TMEM63A: variants seen among roughly 807,000 people sequenced by gnomAD.
TMEM63A encodes mechanosensitive cation channel TMEM63A.
TMEM63A carries 76 observed loss-of-function variants against 100.6 expected under a neutral mutation model. That is an observed-to-expected ratio of 0.76 (90% CI 0.63 to 0.91). TMEM63A has a LOEUF of 0.91. TMEM63A is among the 40% of genes least tolerant of loss of function. TMEM63A has a pLI of 0.00. For synonymous variants in TMEM63A, 401 were observed against 401.1 expected (o/e 1.00, Z 0.00); for missense variants, 876 against 1,008.8 (o/e 0.87, Z 1.78).
chr1:225,866,580 C>T lies in TMEM63A; in HGVS notation c.669G>A (p.Glu223=). The T allele has an allele frequency of 6.2e-7, 1 of 1,613,894 alleles. No individual in the cohort carries two copies. The highest frequency in any genetic ancestry group is 8.5e-7 in the Non-Finnish European group (1 of 1,179,866). ...HHTQSIKYKE[E]NLVRRTLFIT... Reference sequence around the variant, plus strand: ...TAAGTCCCGCCTCACTCACCAGGTTCTCCTCTTTGTACTTAATGGACTGAG... The same window carrying T: ...TAAGTCCCGCCTCACTCACCAGGTTTTCCTCTTTGTACTTAATGGACTGAG... Residue 223 remains glutamate (E), a synonymous_variant, in exon 9 of 25, where the codon GAG becomes GAA. Transcript: ENST00000366835.
intron 23 of TMEM63A, 62 bp downstream of exon 23, chr1:225,848,430 G>A: frequency 6.4e-7 from 1 of 1,570,462 alleles, no homozygotes; most frequent in Non-Finnish European, 8.7e-7. Flanking sequence ...ATCTGGTTGG[G>A]ACTGTTACAA....
downstream of TMEM63A, chr1:225,841,164 G>A (rs1374178850): frequency 6.6e-6 from 1 of 152,200 alleles, no homozygotes; most frequent in Non-Finnish European, 1.5e-5. Flanking sequence ...GACTGAGATG[G>A]TTTTGATTGT....
chr1:225,844,371 C>T (rs750345132), downstream of TMEM63A: 130 of 1,431,124 alleles, frequency 9.1e-5, no homozygotes, highest in Non-Finnish European at 1.1e-4. Context: ...ATACCACACA[C>T]GTTGCATGAG....
chr1:225,859,390 C>G (rs752547384), intron 14 of TMEM63A, 41 bp from the exon 15 acceptor site: 4 of 1,609,780 alleles, frequency 2.5e-6, no homozygotes, highest in Non-Finnish European at 2.5e-6. Context: ...GGCTTGTCTC[C>G]CAGTGCTCGT....
intron 2 of TMEM63A, 87 bp from the exon 3 acceptor site, chr1:225,877,681 G>A: frequency 7.3e-7 from 1 of 1,372,954 alleles, no homozygotes; most frequent in Non-Finnish European, 9.8e-7. Flanking sequence ...GCCAAAGGCA[G>A]GCGTTTCCCA....
intron 18 of TMEM63A, among the ~76,000 whole-genome samples, chr1:225,855,338 T>C (rs932144232): frequency 1.3e-5 from 2 of 152,202 alleles, no homozygotes; most frequent in Non-Finnish European, 2.9e-5. Flanking sequence ...TCATAGCTCA[T>C]TGTAAAGATA....
chr1:225,871,033 C>A, intron 6 of TMEM63A, 43 bp downstream of exon 6: 2 of 1,609,408 alleles, frequency 1.2e-6, no homozygotes, highest in Non-Finnish European at 1.7e-6. Context: ...CCCAAAAAAA[C>A]CAGCCCAAAG....
At chr1:225,872,881 A>G (rs1017465137) in intron 4 of TMEM63A, among the ~76,000 whole-genome samples, 3 of 151,606 alleles carry the variant, frequency 2.0e-5, no homozygotes, top group Admixed American at 2.0e-4. Context: ...TTTAATAGAG[A>G]TGGGGTTTCA....
intron 3 of TMEM63A, among the ~76,000 whole-genome samples, chr1:225,875,208 C>T (rs770574313): frequency 3.0e-4 from 45 of 152,308 alleles, no homozygotes; most frequent in African/African-American, 1.1e-3. Context: ...AACCTGTGCT[C>T]GGGCTGGCTT....
intron 5 of TMEM63A, chr1:225,871,466 G>C (rs146795542): frequency 0.023 from 5,770 of 249,436 alleles, 118 homozygotes; most frequent in South Asian, 0.057. Context: ...GGATTGGACG[G>C]TCCGCTGGAG....
Position 225,862,228 on chromosome 1 carries a change from T to TG in TMEM63A, c.1074dup (p.Met359HisfsTer22). The TG allele has an allele frequency of 6.2e-7, 1 of 1,614,010 alleles. No homozygotes were observed. The highest frequency in any genetic ancestry group is 8.5e-7 in the Non-Finnish European group (1 of 1,180,028). ...TGTGCCTACACTCACTAGGTGGCCA[T>TG]GGACTTCTCCTGGAAGGTGACGAAG... On this transcript the variant is annotated frameshift_variant, in exon 13 of 25. Coordinates refer to ENST00000366835, the MANE Select transcript of TMEM63A (RefSeq NM_014698.3). LOFTEE classifies it high-confidence loss of function. This position sits in a 1 kb window ranked among gnomAD's most constrained non-coding sequence, Gnocchi z 5.1.
In TMEM63A at chr1:225,877,375, C is replaced by A. The variant is rs766846144; in HGVS notation, c.186+20G>T. ...AACAAATAACTGAGGCAGTGGGACACGACTCATGAGGGCTCTCACCAGGAA... is the reference window on the plus strand; with the variant it reads ...AACAAATAACTGAGGCAGTGGGACAAGACTCATGAGGGCTCTCACCAGGAA... On this transcript the variant is annotated intron_variant, in intron 3 of 24. Coordinates refer to ENST00000366835, the MANE Select transcript of TMEM63A (RefSeq NM_014698.3). The A allele has an allele frequency of 1.3e-5, 20 of 1,596,174 alleles. No homozygotes were observed. Among genetic ancestry groups the A allele is most frequent in the Non-Finnish European group, 1.7e-5 (20 of 1,166,752 alleles).
downstream of TMEM63A, among the ~76,000 whole-genome samples, chr1:225,843,457 C>T (rs564689193): frequency 6.4e-4 from 98 of 152,344 alleles, no homozygotes; most frequent in Non-Finnish European, 1.0e-3. Flanking sequence ...AGAGCCTCAG[C>T]AGGGCCTTCG....
chr1:225,877,643 C>G, intron 2 of TMEM63A, 49 bp from the exon 3 acceptor site: 1 of 1,531,822 alleles, frequency 6.5e-7, no homozygotes, highest in Non-Finnish European at 8.8e-7. Context: ...GCTCAAATTT[C>G]TTGCAGGTTC....
chr1:225,868,209 C>T (rs1285015093), intron 6 of TMEM63A, among the ~76,000 whole-genome samples, 179 bp from the exon 7 acceptor site: 1 of 152,182 alleles, frequency 6.6e-6, no homozygotes, highest in Non-Finnish European at 1.5e-5. Context: ...CAGGATCTCA[C>T]ATGATATAAA....
Position 225,867,928 on chromosome 1 carries a change from C to A in TMEM63A, c.474G>T (p.Leu158=), listed in dbSNP as rs988592102. The change falls in exon 7 of 25, where the codon CTG becomes CTT. Residue 158 remains leucine (L), a synonymous_variant. Coordinates refer to ENST00000366835, the MANE Select transcript of TMEM63A (RefSeq NM_014698.3). The surrounding 1 kb of genome is among the most constrained non-coding windows in gnomAD (Gnocchi z 4.6). The part of the protein sequence containing the change: ...FLLVVVSFLS[L]CVILPVNLSG... ...AGAGGTTGACAGGCAGGATGACACA[C>A]AGGGACAAAAAGCTGACCACCACCA... is the stretch of plus-strand genomic sequence containing the variant. The A allele has an allele frequency of 1.9e-6, 3 of 1,614,018 alleles. No individual in the cohort carries two copies. Among genetic ancestry groups the A allele is most frequent in the African/African-American group, 2.7e-5 (2 of 74,888 alleles).
chr1:225,860,733 G>GC, intron 14 of TMEM63A, 127 bp downstream of exon 14: 1 of 1,230,858 alleles, frequency 8.1e-7, no homozygotes, highest in Non-Finnish European at 1.1e-6. Flanking sequence ...CAGCATCACA[G>GC]CCCACAGAAT....
At chr1:225,875,273 G>A (rs1670723508) in intron 3 of TMEM63A, among the ~76,000 whole-genome samples, 1 of 152,158 alleles carries the variant, frequency 6.6e-6, no homozygotes, top group African/African-American at 2.4e-5. Flanking sequence ...CAACCTCAGG[G>A]CTGGACTAAG....
At chr1:225,870,654 T>A (rs1457888096) in intron 6 of TMEM63A, among the ~76,000 whole-genome samples, 2 of 152,234 alleles carry the variant, frequency 1.3e-5, no homozygotes, top group Non-Finnish European at 2.9e-5. Flanking sequence ...TGACATCTAA[T>A]TGGTGTTAAA....
Sources: gnomAD v4.1 joint callset for allele counts (sites outside exome capture counted in the v4.1 genomes callset) on GRCh38, gnomAD v4.1.1 for gene constraint, Gnocchi (gnomAD v3.1) non-coding constraint, MANE v1.5 for transcripts, NCBI Gene and HGNC (gene_info 2026-07-23, HGNC 2026-07-21) for gene names.